Variants in ITGA9 observed in about 807,000 individuals in gnomAD.
ITGA9 encodes the protein integrin subunit alpha 9, also known as integrin alpha-9.
Under a neutral mutation model 127.8 loss-of-function variants are expected in ITGA9, and 56 were observed. The ratio of observed to expected loss-of-function variants is 0.44; its 90% CI spans 0.35 to 0.55. ITGA9 has a LOEUF of 0.55. Among genes scored for constraint, ITGA9 ranks in the 20% least tolerant of loss-of-function variants. The pLI, the probability that ITGA9 is intolerant of heterozygous loss-of-function variation, is 0.00. For missense variants in ITGA9, 1,196 were observed against 1,347.1 expected (o/e 0.89, Z 1.76); for synonymous variants, 508 against 514.5 (o/e 0.99, Z 0.17).
chr3:37,729,944 C>T (rs977856195), intron 18 of ITGA9, among the ~76,000 whole-genome samples: 1 of 152,088 alleles, frequency 6.6e-6, no homozygotes, highest in African/African-American at 2.4e-5. Context: ...CCTCGTGAAC[C>T]GCCTGCCTCG....
At chr3:37,680,124 A>C (rs368461368) in intron 17 of ITGA9, among the ~76,000 whole-genome samples, 115 of 152,274 alleles carry the variant, frequency 7.6e-4, no homozygotes, top group South Asian at 6.0e-3. Context: ...TTCTCATACC[A>C]GCACAGCGTC....
At chr3:37,480,031 C>A (rs1297995078) in intron 3 of ITGA9, among the ~76,000 whole-genome samples, 1 of 152,110 alleles carries the variant, frequency 6.6e-6, no homozygotes, top group Admixed American at 6.5e-5. Context: ...AAAATGCATT[C>A]ACTGGCTGGG....
intron 15 of ITGA9, among the ~76,000 whole-genome samples, chr3:37,560,147 T>G (rs1164869781): frequency 6.8e-6 from 1 of 147,600 alleles, no homozygotes; most frequent in East Asian, 2.0e-4. Context: ...TTCCCTGCCC[T>G]GTGTCCAAGT....
At chr3:37,556,809 T>C (rs527576080) in intron 15 of ITGA9, among the ~76,000 whole-genome samples, 2 of 152,348 alleles carry the variant, frequency 1.3e-5, no homozygotes, top group South Asian at 4.1e-4. Flanking sequence ...GATGCCTCTC[T>C]CCTCACACTG....
chr3:37,494,252 T>G (rs1698702166), intron 4 of ITGA9, among the ~76,000 whole-genome samples: 1 of 152,198 alleles, frequency 6.6e-6, no homozygotes, highest in African/African-American at 2.4e-5. Flanking sequence ...CTCCTCTTTC[T>G]CGCACACGAG....
chr3:37,717,042 G>A (rs1023607042), intron 18 of ITGA9, among the ~76,000 whole-genome samples: 1 of 152,220 alleles, frequency 6.6e-6, no homozygotes, highest in South Asian at 2.1e-4. Flanking sequence ...GAGACAGCCT[G>A]TGTGCTCCTT....
At chr3:37,760,495 C>T (rs1696711198) in intron 23 of ITGA9, among the ~76,000 whole-genome samples, 1 of 151,912 alleles carries the variant, frequency 6.6e-6, no homozygotes, top group African/African-American at 2.4e-5. Flanking sequence ...AAGATATACA[C>T]AATTGGAGTT....
intron 15 of ITGA9, among the ~76,000 whole-genome samples, chr3:37,585,251 C>T (rs1158854167): frequency 6.6e-6 from 1 of 152,116 alleles, no homozygotes; most frequent in East Asian, 1.9e-4. Flanking sequence ...TGCTTCTGGC[C>T]AGGACCATCA....
chr3:37,580,522 C>A (rs1013953733), intron 15 of ITGA9, among the ~76,000 whole-genome samples: 2 of 152,158 alleles, frequency 1.3e-5, no homozygotes, highest in Non-Finnish European at 2.9e-5. Flanking sequence ...CACTGTTGGC[C>A]CCACCCTCTA....
chr3:37,569,320 TG>T (rs1457164594), intron 15 of ITGA9, among the ~76,000 whole-genome samples: 1 of 152,196 alleles, frequency 6.6e-6, no homozygotes, highest in East Asian at 1.9e-4. Context: ...TACCTCCCAC[TG>T]GGTCCTTCCC....
rs79500151 is a variant in ITGA9 at position 37,544,636 on chromosome 3, G to A, written c.1689+2051G>A. The stretch of plus-strand genomic sequence containing the variant: ...TTTGGAGGCTGAGCTCAGGGCTCTC[G>A]AGTGCAGATCCAGCACAGACCTTGA... On this transcript the variant is annotated intron_variant, in intron 15 of 27. Transcript: ENST00000264741. 9.9e-5 allele frequency among the ~76,000 whole-genome samples: 15 copies of A among 152,194 alleles called. No individual in the cohort carries two copies. The East Asian group carries it at 2.9e-3, about 29-fold the overall frequency.
chr3:37,540,328 C>G (rs1699252916), intron 14 of ITGA9, among the ~76,000 whole-genome samples: 1 of 152,236 alleles, frequency 6.6e-6, no homozygotes, highest in Admixed American at 6.5e-5. Flanking sequence ...CAATGTGTAT[C>G]TGTAGCCATG....
chr3:37,572,637 C>G (rs1699612665), intron 15 of ITGA9, among the ~76,000 whole-genome samples: 2 of 152,180 alleles, frequency 1.3e-5, no homozygotes, highest in Non-Finnish European at 2.9e-5. Context: ...TACTGTAAGA[C>G]TGAGACATCC....
rs1036608167 is a variant in ITGA9, at chr3:37,724,871, T to C, written c.2068-7841T>C. Among the ~76,000 whole-genome samples the C allele has an allele frequency of 4.6e-5, 7 of 152,124 alleles. No homozygotes were observed. In the East Asian group the frequency reaches 1.3e-3, roughly 29 times the overall value. On this transcript the variant is annotated intron_variant, in intron 18 of 27. Transcript: ENST00000264741. ...CATCTTGTAGGTGTTTGTTAGATGA[T>C]TGGTGAGTGAATTAATGAATGTACA...
Position 37,517,570 on chromosome 3 carries a change from A to G in ITGA9, c.1102A>G (p.Ile368Val), listed in dbSNP as rs1039156871. 1.1e-5 allele frequency: 17 copies of G among 1,596,454 alleles called. No individual in the cohort carries two copies. Among genetic ancestry groups the G allele is most frequent in the Non-Finnish European group, 1.4e-5 (16 of 1,171,422 alleles). ...GAYNAHFGES[I>V]ASLDDLDNDG... Reference sequence around the variant, plus strand: ...CTACAATGCGCACTTTGGAGAGAGCATTGCCAGCCTGGACGATCTGGACAA... The same window carrying G: ...CTACAATGCGCACTTTGGAGAGAGCGTTGCCAGCCTGGACGATCTGGACAA... The change falls in exon 10 of 28, where the codon ATT becomes GTT. Residue 368 changes from isoleucine to valine, a missense_variant. Coordinates refer to ENST00000264741, the MANE Select transcript of ITGA9 (RefSeq NM_002207.3).
At chr3:37,674,149 G>C (rs1187608035) in intron 17 of ITGA9, among the ~76,000 whole-genome samples, 6 of 152,198 alleles carry the variant, frequency 3.9e-5, no homozygotes, top group Non-Finnish European at 7.3e-5. Flanking sequence ...ATTTGGCGTA[G>C]ATTATTAAAG....
At chr3:37,779,763 C>T (rs889945416) in intron 24 of ITGA9, 139 bp from the exon 25 acceptor site, 35 of 819,460 alleles carry the variant, frequency 4.3e-5, no homozygotes, top group Non-Finnish European at 6.1e-5. Flanking sequence ...CGAGAAAGAA[C>T]GATTGCATCT....
In ITGA9 at chr3:37,471,282, A is replaced by G. The variant is rs940068232; in HGVS notation, c.313+148A>G. The stretch of plus-strand genomic sequence containing the variant: ...TCTCTCCAACAAGCATGTATTGAGT[A>G]CGTAATAGTTATTAAGCACTGGGAT... On this transcript the variant is annotated intron_variant, in intron 2 of 27. Coordinates refer to ENST00000264741, the MANE Select transcript of ITGA9 (RefSeq NM_002207.3). 25 of 923,520 alleles carry G rather than the reference A, an allele frequency of 2.7e-5. No individual in the cohort carries two copies. In the Middle Eastern group the frequency reaches 9.8e-4, roughly 36 times the overall value. The allele number at this position is 923,520 out of a possible 1,614,324, so 57.2% of individuals were successfully genotyped here.
At position 37,730,156 on chromosome 3, in the gene ITGA9, T is replaced by TAC. The variant is rs374990563; in HGVS notation, c.2068-2544_2068-2543dup. On this transcript the variant is annotated intron_variant, in intron 18 of 27. Coordinates refer to ENST00000264741, the MANE Select transcript of ITGA9 (RefSeq NM_002207.3). Reference sequence around the variant, plus strand: ...TATATGTATATGTGTATGTGTGAGATACACACACACACATACACTTATATA... The same window carrying TAC: ...TATATGTATATGTGTATGTGTGAGATACACACACACACACATACACTTATATA... Among the ~76,000 whole-genome samples, 592 of 152,112 alleles carry TAC rather than the reference T, an allele frequency of 3.9e-3. 2 individuals carry two copies. The highest frequency in any genetic ancestry group is 0.011 in the African/African-American group (455 of 41,516).
Sources: gnomAD v4.1 joint callset for allele counts (sites outside exome capture counted in the v4.1 genomes callset) on GRCh38, gnomAD v4.1.1 for gene constraint, MANE v1.5 for transcripts, NCBI Gene and HGNC (gene_info 2026-07-23, HGNC 2026-07-21) for gene names.